FBXO34: variants seen among roughly 807,000 people sequenced by gnomAD.
FBXO34 encodes F-box only protein 34.
A neutral mutation model predicts 24.5 loss-of-function variants in FBXO34; 12 were observed. That is an observed-to-expected ratio of 0.49 (90% CI 0.31 to 0.79). The LOEUF is 0.79. Ranked by LOEUF, FBXO34 falls within the 30% of genes least tolerant of loss-of-function variation. FBXO34 has a pLI of 0.04. For missense variants in FBXO34, 823 were observed against 857.7 expected (o/e 0.96, Z 0.51); for synonymous variants, 320 against 311.9 (o/e 1.03, Z -0.27).
intron 1 of FBXO34, among the ~76,000 whole-genome samples, chr14:55,322,351 C>CA (rs1313920496): frequency 6.7e-6 from 1 of 148,380 alleles, no homozygotes; most frequent in Non-Finnish European, 1.5e-5. Context: ...ACAACAACAA[C>CA]AAAAAAAGAC....
At chr14:55,431,346 T>C in the FBXO34 span, among the ~76,000 whole-genome samples, 2 of 152,250 alleles carry the variant, frequency 1.3e-5, no homozygotes. Flanking sequence ...ATGTGTGTAA[T>C]ATGTGTAACA....
At chr14:55,289,430 C>T (rs1047929854) in intron 1 of FBXO34, among the ~76,000 whole-genome samples, 1 of 152,114 alleles carries the variant, frequency 6.6e-6, no homozygotes, top group Non-Finnish European at 1.5e-5. Flanking sequence ...TCTTCCTTCC[C>T]CTGTCTCTTG....
the FBXO34 span, chr14:55,397,470 T>G: frequency 6.5e-7 from 1 of 1,528,080 alleles, no homozygotes; most frequent in African/African-American, 1.4e-5. Flanking sequence ...ATTTAAATGG[T>G]CATTTTTTCA....
the FBXO34 span, chr14:55,397,467 T>C: frequency 1.9e-6 from 3 of 1,553,222 alleles, no homozygotes; most frequent in Non-Finnish European, 2.7e-6. Flanking sequence ...CTTATTTAAA[T>C]GGTCATTTTT....
chr14:55,432,388 G>C, the FBXO34 span, among the ~76,000 whole-genome samples: 2 of 150,856 alleles, frequency 1.3e-5, no homozygotes, highest in African/African-American at 4.9e-5. Context: ...ACTCCATCCT[G>C]GATAACACAG....
intron 1 of FBXO34, among the ~76,000 whole-genome samples, chr14:55,309,684 GTT>G (rs1219132617): frequency 1.3e-5 from 2 of 152,080 alleles, no homozygotes; most frequent in African/African-American, 4.8e-5. Flanking sequence ...TTGTGTGTCT[GTT>G]TTTTATTTTT....
At chr14:55,417,371 G>GC in the FBXO34 span, among the ~76,000 whole-genome samples, 1 of 149,502 alleles carries the variant, frequency 6.7e-6, no homozygotes, top group Non-Finnish European at 1.5e-5. Flanking sequence ...ACCTAAATTG[G>GC]CTCCATAGTC....
the FBXO34 span, among the ~76,000 whole-genome samples, chr14:55,417,989 CCTT>C: frequency 6.6e-6 from 1 of 152,114 alleles, no homozygotes; most frequent in South Asian, 2.1e-4. Context: ...GGACAATAAA[CCTT>C]CTTGTAGAGT....
At chr14:55,347,548 T>G (rs1884199120) in intron 1 of FBXO34, among the ~76,000 whole-genome samples, 1 of 152,176 alleles carries the variant, frequency 6.6e-6, no homozygotes, top group Non-Finnish European at 1.5e-5. Flanking sequence ...ATGTCCTGCT[T>G]CTTTCAGGGG....
chr14:55,354,106 G>A (rs535500715), downstream of FBXO34, among the ~76,000 whole-genome samples: 2 of 152,316 alleles, frequency 1.3e-5, no homozygotes, highest in South Asian at 4.1e-4. Flanking sequence ...TGATGTGCTT[G>A]GTGACATGGT....
chr14:55,357,978 T>G (rs543321169), downstream of FBXO34, among the ~76,000 whole-genome samples: 2 of 152,332 alleles, frequency 1.3e-5, no homozygotes, highest in South Asian at 4.1e-4. Context: ...ACTTGAGTGT[T>G]TGCAGTCTGG....
the FBXO34 span, among the ~76,000 whole-genome samples, chr14:55,439,618 C>CCCCCCCT: frequency 3.3e-5 from 2 of 60,242 alleles, no homozygotes; most frequent in Admixed American, 1.9e-4. Flanking sequence ...AAGCAAACCC[C>CCCCCCCT]CCCCCGTCTC....
At chr14:55,281,986 T>A (rs1302606261) in intron 1 of FBXO34, among the ~76,000 whole-genome samples, 1 of 139,758 alleles carries the variant, frequency 7.2e-6, no homozygotes. Context: ...CATTTTTAAA[T>A]TTAGCTTTTT....
the FBXO34 span, chr14:55,436,823 T>C: frequency 6.2e-7 from 1 of 1,614,264 alleles, no homozygotes; most frequent in Non-Finnish European, 8.5e-7. Flanking sequence ...TGTTTGCTAA[T>C]GACAGGCTGG....
chr14:55,326,741 A>C (rs1883354175), intron 1 of FBXO34, among the ~76,000 whole-genome samples: 1 of 152,228 alleles, frequency 6.6e-6, no homozygotes, highest in Non-Finnish European at 1.5e-5. Context: ...GATGATCAAA[A>C]AGAGCATTAC....
chr14:55,323,225 A>ATTTAT (rs1883220753), intron 1 of FBXO34, among the ~76,000 whole-genome samples: 1 of 19,204 alleles, frequency 5.2e-5, no homozygotes, highest in Non-Finnish European at 7.0e-5. Flanking sequence ...AAAAATATAT[A>ATTTAT]TTTTTTTTTT....
At chr14:55,420,656 G>A in the FBXO34 span, among the ~76,000 whole-genome samples, 1 of 152,164 alleles carries the variant, frequency 6.6e-6, no homozygotes. Flanking sequence ...TGCCTATTCT[G>A]TATACTTAGA....
downstream of FBXO34, among the ~76,000 whole-genome samples, chr14:55,363,896 C>G (rs1297678116): frequency 1.3e-5 from 2 of 151,918 alleles, no homozygotes. Flanking sequence ...TCAACTCGCT[C>G]TAGCCCATTT....
At position 55,351,399 on chromosome 14, in the gene FBXO34, G is replaced by C. The variant is rs142037098; in HGVS notation, c.1009G>C (p.Asp337His). The change falls in exon 2 of 2, where the codon GAC becomes CAC. Residue 337 changes from aspartate (D) to histidine (H), a missense_variant. Asp to His is a moderately conservative substitution (Grantham distance 81). Coordinates refer to ENST00000313833, the MANE Select transcript of FBXO34 (RefSeq NM_017943.4). ...KTKKGVLEAPDTQVNPVGSVS... is the reference protein window; with the variant it reads ...KTKKGVLEAPHTQVNPVGSVS... ...AAAGAAAGGCGTCTTGGAGGCACCT[G>C]ACACTCAGGTGAATCCTGTGGGGTC... 127 of 1,614,208 alleles carry C rather than the reference G, an allele frequency of 7.9e-5. No homozygotes were observed. In the African/African-American group the frequency reaches 1.4e-3, roughly 18 times the overall value.
Sources: gnomAD v4.1 joint callset for allele counts (sites outside exome capture counted in the v4.1 genomes callset) on GRCh38, gnomAD v4.1.1 for gene constraint, MANE v1.5 for transcripts, NCBI Gene and HGNC (gene_info 2026-07-23, HGNC 2026-07-21) for gene names.